MC2R: variants seen among roughly 807,000 people sequenced by gnomAD.
The protein encoded by MC2R is melanocortin 2 receptor, also known as adrenocorticotropic hormone receptor.
A neutral mutation model predicts 9.8 loss-of-function variants in MC2R; 9 were observed. That is an observed-to-expected ratio of 0.92 (90% confidence interval 0.55 to 1.60). The LOEUF (loss-of-function observed/expected upper bound fraction) is 1.60, where lower values mean the gene tolerates loss of function less well. Among genes scored for constraint, MC2R ranks in the 40% most tolerant of loss-of-function variants. The pLI, the probability that MC2R is intolerant of heterozygous loss-of-function variation, is 0.00. For synonymous variants in MC2R, 185 were observed against 154.7 expected, an observed-to-expected ratio of 1.20 and a Z score of -1.45; for missense variants, 370 against 389.0, an observed-to-expected ratio of 0.95 and a Z score of 0.41.
chr18:13,906,743 A>G (rs938048200), intron 1 of MC2R, among the ~76,000 whole-genome samples: 2 of 152,248 alleles, frequency 1.3e-5, no homozygotes, highest in Non-Finnish European at 2.9e-5. Context: ...ACAACAGTGA[A>G]CAATCTAAAA....
At chr18:13,904,094 G>A (rs369856195) in intron 1 of MC2R, among the ~76,000 whole-genome samples, 1 of 151,624 alleles carries the variant, frequency 6.6e-6, no homozygotes, top group African/African-American at 2.4e-5. Flanking sequence ...ATCATAATAG[G>A]CCAGGCACGG....
chr18:13,884,621 C>T lies in MC2R; in HGVS notation c.*4G>A, dbSNP rs771730220. On this transcript the variant is annotated 3_prime_UTR_variant, in exon 2 of 2. Coordinates refer to ENST00000327606, the MANE Select transcript of MC2R (RefSeq NM_000529.2). ...ATGGATTCTAAAACCAGGGATCAGC[C>T]ATTCTACCAGTACCTGCTGCAGAAG... The T allele has an allele frequency of 1.5e-5, 24 of 1,611,890 alleles. No homozygotes were observed. Among genetic ancestry groups the T allele is most frequent in the Non-Finnish European group, 1.9e-5 (23 of 1,180,014 alleles).
chr18:13,884,794 A>G lies in MC2R; in HGVS notation c.725T>C (p.Met242Thr). The G allele has an allele frequency of 6.2e-7, 1 of 1,614,036 alleles. No homozygotes were observed. The highest frequency in any genetic ancestry group is 8.5e-7 in the Non-Finnish European group (1 of 1,180,016). ...WAPFVLHVLL[M>T]TFCPSNPYCA... Reference sequence around the variant, plus strand: ...GTAGGGGTTACTTGGGCAGAATGTCATCAAGAGGACATGAAGCACAAAGGG... The same window carrying G: ...GTAGGGGTTACTTGGGCAGAATGTCGTCAAGAGGACATGAAGCACAAAGGG... Residue 242 changes from methionine to threonine, a missense_variant, in exon 2 of 2, where the codon ATG (methionine) becomes ACG (threonine). Physicochemically the swap from Met to Thr is moderately conservative, Grantham distance 81. Transcript: ENST00000327606.
Position 13,898,711 on chromosome 18 carries a change from G to A in MC2R, c.-128-13065C>T, listed in dbSNP as rs145995039. On this transcript the variant is annotated intron_variant, in intron 1 of 1. Coordinates refer to ENST00000327606, the MANE Select transcript of MC2R (RefSeq NM_000529.2). Reference sequence around the variant, plus strand: ...GTATGTTTGGGAGAAAGTAAGGGACGAGAACAAGAGTCTCTACTTGGTAAT... The same window carrying A: ...GTATGTTTGGGAGAAAGTAAGGGACAAGAACAAGAGTCTCTACTTGGTAAT... Among the ~76,000 whole-genome samples, 36 of 152,312 alleles carry A rather than the reference G, an allele frequency of 2.4e-4. No individual in the cohort carries two copies. In the East Asian group the frequency reaches 5.4e-3, roughly 23 times the overall value.
At chr18:13,888,270 G>A (rs2045289775) in intron 1 of MC2R, among the ~76,000 whole-genome samples, 1 of 152,090 alleles carries the variant, frequency 6.6e-6, no homozygotes, top group Non-Finnish European at 1.5e-5. Flanking sequence ...GTGTGCCCAT[G>A]GGGTCCCTTC....
At chr18:13,904,250 G>A (rs1319024995) in intron 1 of MC2R, among the ~76,000 whole-genome samples, 17 of 151,258 alleles carry the variant, frequency 1.1e-4, no homozygotes, top group Non-Finnish European at 2.9e-5. Flanking sequence ...GCGAGGTGGT[G>A]GGCACCTCTA....
At position 13,885,473 on chromosome 18, in the gene MC2R, T is replaced by C. The variant is rs1201751277; in HGVS notation, c.46A>G (p.Arg16Gly). The C allele has an allele frequency of 6.2e-7, 1 of 1,614,088 alleles. No individual in the cohort carries two copies. Among genetic ancestry groups the C allele is most frequent in the Non-Finnish European group, 8.5e-7 (1 of 1,180,042 alleles). Residue 16 changes from arginine (R) to glycine (G), a missense_variant, in exon 2 of 2, where the codon AGA (arginine) becomes GGA (glycine). Coordinates refer to ENST00000327606, the MANE Select transcript of MC2R (RefSeq NM_000529.2). ...NSYENINNTA[R>G]NNSDCPRVVL... Reference sequence around the variant, plus strand: ...ACACGAGGACAGTCGGAATTATTTCTTGCTGTGTTGTTGATGTTTTCATAC... The same window carrying C: ...ACACGAGGACAGTCGGAATTATTTCCTGCTGTGTTGTTGATGTTTTCATAC...
intron 1 of MC2R, among the ~76,000 whole-genome samples, chr18:13,891,378 A>C (rs546832488): frequency 2.0e-5 from 3 of 152,364 alleles, no homozygotes; most frequent in South Asian, 4.1e-4. Context: ...AAATAATGCT[A>C]TAATGCATAA....
intron 1 of MC2R, among the ~76,000 whole-genome samples, chr18:13,891,283 A>G (rs1411346386): frequency 2.0e-5 from 3 of 152,186 alleles, no homozygotes; most frequent in Non-Finnish European, 4.4e-5. Context: ...CTTCCACTGC[A>G]TGGTATTCCA....
upstream of MC2R, chr18:13,915,543 G>A (rs2186944): frequency 0.044 from 6,800 of 153,078 alleles, 341 homozygotes; most frequent in East Asian, 0.18. Flanking sequence ...GAATGAGCTC[G>A]GAGAGAAAAG....
chr18:13,884,620 C>A lies in MC2R; in HGVS notation c.*5G>T. On this transcript the variant is annotated 3_prime_UTR_variant, in exon 2 of 2. Transcript: ENST00000327606. Reference sequence around the variant, plus strand: ...CATGGATTCTAAAACCAGGGATCAGCCATTCTACCAGTACCTGCTGCAGAA... The same window carrying A: ...CATGGATTCTAAAACCAGGGATCAGACATTCTACCAGTACCTGCTGCAGAA... The A allele has an allele frequency of 6.2e-7, 1 of 1,611,676 alleles. No individual in the cohort carries two copies. The highest frequency in any genetic ancestry group is 8.5e-7 in the Non-Finnish European group (1 of 1,179,992).
At chr18:13,905,165 T>C (rs2045405555) in intron 1 of MC2R, among the ~76,000 whole-genome samples, 1 of 152,110 alleles carries the variant, frequency 6.6e-6, no homozygotes, top group Admixed American at 6.5e-5. Flanking sequence ...ATCCAGAATT[T>C]ACAAGGAACT....
At chr18:13,908,708 G>T (rs199731973) in intron 1 of MC2R, among the ~76,000 whole-genome samples, 1 of 14,366 alleles carries the variant, frequency 7.0e-5, no homozygotes, top group Non-Finnish European at 1.5e-4. Flanking sequence ...GGAGCTTCTT[G>T]TGTGTGTGTG....
chr18:13,893,608 C>T (rs1413405999), intron 1 of MC2R, among the ~76,000 whole-genome samples: 2 of 152,216 alleles, frequency 1.3e-5, no homozygotes, highest in Non-Finnish European at 2.9e-5. Flanking sequence ...TAATGGAGAT[C>T]TCAGCCGGCC....
At chr18:13,899,004 A>G (rs571831436) in intron 1 of MC2R, among the ~76,000 whole-genome samples, 1 of 152,346 alleles carries the variant, frequency 6.6e-6, no homozygotes, top group Non-Finnish European at 1.5e-5. Flanking sequence ...GGAAAATATG[A>G]CCTTGCCAAA....
At chr18:13,894,352 G>A (rs1474776573) in intron 1 of MC2R, among the ~76,000 whole-genome samples, 5 of 152,104 alleles carry the variant, frequency 3.3e-5, no homozygotes, top group South Asian at 2.1e-4. Context: ...AGAGCTTTTC[G>A]TGGAAGTTAA....
At chr18:13,906,602 T>C (rs2149142707) in intron 1 of MC2R, among the ~76,000 whole-genome samples, 1 of 152,308 alleles carries the variant, frequency 6.6e-6, no homozygotes, top group East Asian at 1.9e-4. Flanking sequence ...ATTAGCCTTG[T>C]TTGCAGATGA....
rs974919545 is a variant in MC2R, at chr18:13,884,319, G to A, written c.*306C>T. The A allele has an allele frequency of 2.4e-6, 1 of 421,212 alleles. No individual in the cohort carries two copies. The highest frequency in any genetic ancestry group is 7.2e-4 in the Middle Eastern group (1 of 1,384). The allele number at this position is 421,212 out of a possible 1,614,324, so 26.1% of individuals were successfully genotyped here. On this transcript the variant is annotated 3_prime_UTR_variant, in exon 2 of 2. Coordinates refer to ENST00000327606, the MANE Select transcript of MC2R (RefSeq NM_000529.2). ...TTACTAGATTGGTGCAAAAGTAATT[G>A]CAATTTTTGGTCATTGAAAGTAATG... is the stretch of plus-strand genomic sequence containing the variant.
intron 1 of MC2R, among the ~76,000 whole-genome samples, chr18:13,911,031 TA>T (rs2045441014): frequency 6.6e-6 from 1 of 152,228 alleles, no homozygotes; most frequent in South Asian, 2.1e-4. Context: ...TTATGATTTA[TA>T]AAAAGCAGTC....
Sources: allele counts gnomAD v4.1 joint callset (sites outside exome capture counted in the v4.1 genomes callset), GRCh38; gene constraint gnomAD v4.1.1; transcripts MANE v1.5; gene names NCBI Gene and HGNC (gene_info 2026-07-23, HGNC 2026-07-21).